Variants in PCDHA1 observed in about 807,000 individuals in gnomAD.
PCDHA1 encodes protocadherin alpha-1.
In PCDHA1, 42 loss-of-function variants were observed where a neutral mutation model predicts 61.3. The ratio of observed to expected loss-of-function variants is 0.69; its 90% confidence interval spans 0.54 to 0.89. PCDHA1 has a LOEUF of 0.89. Ranked by LOEUF, PCDHA1 falls within the 40% of genes least tolerant of loss-of-function variation. The pLI is 0.00. For synonymous variants in PCDHA1, 610 were observed against 553.8 expected, an observed-to-expected ratio of 1.10 and a Z score of -1.43; for missense variants, 1,256 against 1,235.3, an observed-to-expected ratio of 1.02 and a Z score of -0.25.
At chr5:140,885,486 T>C (rs1420709904) in intron 1 of PCDHA1, among the ~76,000 whole-genome samples, 2 of 152,188 alleles carry the variant, frequency 1.3e-5, no homozygotes, top group Non-Finnish European at 2.9e-5. Context: ...TGTCAAGTGT[T>C]CTGTTATCTT....
At chr5:140,836,651 G>C in intron 1 of PCDHA1, 2 of 1,613,546 alleles carry the variant, frequency 1.2e-6, no homozygotes, top group Non-Finnish European at 1.7e-6. Context: ...AGAGGCGGCA[G>C]AGGGTGTGCT....
intron 1 of PCDHA1, chr5:140,966,972 T>A (rs1554229007): frequency 6.2e-7 from 1 of 1,602,946 alleles, no homozygotes; most frequent in Non-Finnish European, 8.5e-7. Flanking sequence ...GGGCTTGAGC[T>A]GCGGCGCTTG....
chr5:140,834,402 T>A (rs2150216661), intron 1 of PCDHA1: 1 of 1,606,068 alleles, frequency 6.2e-7, no homozygotes, highest in Non-Finnish European at 8.5e-7. Context: ...CCCGAATGGA[T>A]ACGACCCAGG....
At chr5:140,927,581 C>T (rs1554204769) in intron 1 of PCDHA1, 1 of 1,614,150 alleles carries the variant, frequency 6.2e-7, no homozygotes, top group East Asian at 2.2e-5. Context: ...AATGACAACG[C>T]GCCTGTATTT....
In PCDHA1 at chr5:140,802,738, G is replaced by A. The variant is rs1554122323; in HGVS notation, c.2394+14054G>A. ...AGCTACGTGTCGGTACACGCGGAGA[G>A]CGGCAAGGTGTACGCGCTGCAGCCG... On this transcript the variant is annotated intron_variant, in intron 1 of 3. Coordinates refer to ENST00000504120, the MANE Select transcript of PCDHA1 (RefSeq NM_018900.4). The A allele has an allele frequency of 3.1e-6, 5 of 1,612,562 alleles. No homozygotes were observed. The South Asian group carries it at 5.5e-5, about 18-fold the overall frequency.
chr5:140,829,838 C>T (rs2150175831), intron 1 of PCDHA1: 21 of 1,613,806 alleles, frequency 1.3e-5, no homozygotes, highest in East Asian at 6.7e-5. Context: ...GCTGGTGCCG[C>T]GGTCACTGGG....
chr5:140,886,023 C>A (rs759768435), intron 1 of PCDHA1, among the ~76,000 whole-genome samples: 5 of 152,078 alleles, frequency 3.3e-5, no homozygotes, highest in Non-Finnish European at 7.4e-5. Flanking sequence ...GCTATGTATT[C>A]TTCACTAAGT....
chr5:140,972,350 A>G (rs897251940), intron 1 of PCDHA1, among the ~76,000 whole-genome samples: 3 of 150,008 alleles, frequency 2.0e-5, no homozygotes, highest in Admixed American at 1.3e-4. Flanking sequence ...GGGTCTCACT[A>G]TGTTGCACAT....
At chr5:140,947,095 A>T (rs2094086285) in intron 1 of PCDHA1, among the ~76,000 whole-genome samples, 1 of 151,642 alleles carries the variant, frequency 6.6e-6, no homozygotes, top group Non-Finnish European at 1.5e-5. Flanking sequence ...ACTGTAGCCC[A>T]TAAATAGGTA....
In PCDHA1 at chr5:140,787,544, G is replaced by A. The variant is rs369564292; in HGVS notation, c.1254G>A (p.Leu418=). 183 of 1,614,110 alleles carry A rather than the reference G, an allele frequency of 1.1e-4. No homozygotes were observed. The highest frequency in any genetic ancestry group is 1.6e-4 in the Middle Eastern group (1 of 6,062). Residue 418 remains leucine, a synonymous_variant, in exon 1 of 4, where the codon CTG becomes CTA. Transcript: ENST00000504120. ...ACAGCGCCCTGGATCGCGAGAGCCT[G>A]TCGGTCTATGAGCTGGTGGTGACCG... is the stretch of plus-strand genomic sequence containing the variant. The part of the protein sequence containing the change: ...VLDSALDRES[L]SVYELVVTAR...
chr5:140,928,930 C>T, intron 1 of PCDHA1: 1 of 1,614,108 alleles, frequency 6.2e-7, no homozygotes, highest in Non-Finnish European at 8.5e-7. Context: ...GCTTTCTGCC[C>T]AGAACTTGTA....
intron 1 of PCDHA1, chr5:140,807,605 C>T: frequency 6.2e-7 from 1 of 1,614,208 alleles, no homozygotes; most frequent in Non-Finnish European, 8.5e-7. Flanking sequence ...ACAAAAGAAC[C>T]TGTCCATCGC....
At chr5:140,872,005 G>A (rs961415529) in intron 1 of PCDHA1, among the ~76,000 whole-genome samples, 3 of 152,200 alleles carry the variant, frequency 2.0e-5, no homozygotes, top group Admixed American at 1.3e-4. Context: ...CTATTTACAG[G>A]TGACCTGTAG....
intron 1 of PCDHA1, chr5:140,795,052 C>A (rs782370691): frequency 8.1e-6 from 13 of 1,613,874 alleles, no homozygotes; most frequent in Admixed American, 6.7e-5. Flanking sequence ...GGGGAGCGGC[C>A]AGCTCCGCTA....
At chr5:140,856,510 A>G (rs1193359159) in intron 1 of PCDHA1, 2 of 1,598,532 alleles carry the variant, frequency 1.3e-6, no homozygotes, top group Non-Finnish European at 1.7e-6. Context: ...TTCCACTAGA[A>G]GGCGCATCTG....
intron 1 of PCDHA1, among the ~76,000 whole-genome samples, chr5:140,972,533 T>C (rs2096540643): frequency 6.6e-6 from 1 of 152,134 alleles, no homozygotes; most frequent in African/African-American, 2.4e-5. Flanking sequence ...ATTTCATAAA[T>C]CACTTGTGCA....
chr5:140,851,042 C>A lies in PCDHA1; in HGVS notation c.2394+62358C>A, dbSNP rs2150268615. ...TAAAGTAAACCCCTTAACATTGGAG[C>A]CGACTTTGTCTTGACTTCTAGTGAG... On this transcript the variant is annotated intron_variant, in intron 1 of 3. Coordinates refer to ENST00000504120, the MANE Select transcript of PCDHA1 (RefSeq NM_018900.4). The A allele has an allele frequency of 2.2e-6, 3 of 1,392,218 alleles. No individual in the cohort carries two copies. The East Asian group carries it at 7.5e-5, about 35-fold the overall frequency. The allele number at this position is 1,392,218 out of a possible 1,614,324, so 86.2% of individuals were successfully genotyped here.
chr5:140,937,911 C>CAA lies in PCDHA1; in HGVS notation c.2395-41023_2395-41022dup, dbSNP rs200797202. On this transcript the variant is annotated intron_variant, in intron 1 of 3. Transcript: ENST00000504120. Reference sequence around the variant, plus strand: ...TGGGCGACAGAGTGAGACTCCGTCTCAAAAAAAAAAAAAAAAGTTTAATTT... The same window carrying CAA: ...TGGGCGACAGAGTGAGACTCCGTCTCAAAAAAAAAAAAAAAAAAGTTTAATTT... Among the ~76,000 whole-genome samples, 8 of 117,946 alleles carry CAA rather than the reference C, an allele frequency of 6.8e-5. No individual in the cohort carries two copies. In the East Asian group the frequency reaches 1.1e-3, roughly 17 times the overall value. The allele number at this position is 117,946 out of a possible 152,430, so 77.4% of individuals were successfully genotyped here.
At chr5:140,963,443 T>C (rs1554226608) in intron 1 of PCDHA1, among the ~76,000 whole-genome samples, 1 of 152,248 alleles carries the variant, frequency 6.6e-6, no homozygotes, top group African/African-American at 2.4e-5. Flanking sequence ...TCATACTCTG[T>C]TGCTAAAGTA....
Sources: gnomAD v4.1 joint callset for allele counts (sites outside exome capture counted in the v4.1 genomes callset) on GRCh38, gnomAD v4.1.1 for gene constraint, MANE v1.5 for transcripts, NCBI Gene and HGNC (gene_info 2026-07-23, HGNC 2026-07-21) for gene names.